ZNF446: variants seen among roughly 807,000 people sequenced by gnomAD.
ZNF446 encodes the protein zinc finger protein with KRAB and SCAN domains 20.
In ZNF446, 42 loss-of-function variants were observed where a neutral mutation model predicts 34.0. The observed-to-expected ratio is 1.23, with a 90% CI of 0.96 to 1.60. ZNF446 has a LOEUF of 1.60. Ranked by LOEUF, ZNF446 falls within the 40% of genes most tolerant of loss-of-function variation. The pLI is 0.00. For synonymous variants in ZNF446, 315 were observed against 251.0 expected (o/e 1.25, Z -2.41); for missense variants, 650 against 600.2 (o/e 1.08, Z -0.87).
chr19:58,480,808 G>A lies in ZNF446; in HGVS notation c.*82G>A, dbSNP rs1014590871. ...CTCTGGGGCACCAGCAGAAGACTCTGGAGGCAGCAGGGGATGCCAGAGTGA... is the reference window on the plus strand; with the variant it reads ...CTCTGGGGCACCAGCAGAAGACTCTAGAGGCAGCAGGGGATGCCAGAGTGA... On this transcript the variant is annotated 3_prime_UTR_variant, in exon 7 of 7. Coordinates refer to ENST00000594369, the MANE Select transcript of ZNF446 (RefSeq NM_017908.4). The surrounding 1 kb of genome is among the most constrained non-coding windows in gnomAD (Gnocchi z 7.2). 23 of 1,486,836 alleles carry A rather than the reference G, an allele frequency of 1.5e-5. No individual in the cohort carries two copies. The highest frequency in any genetic ancestry group is 1.2e-4 in the South Asian group (10 of 80,298). The allele number at this position is 1,486,836 out of a possible 1,614,324, so 92.1% of individuals were successfully genotyped here.
In ZNF446 at chr19:58,478,127, G is replaced by C; in HGVS notation, c.573G>C (p.Gly191=). ...SPPLAAQSPE[G]NHGHQEPAST... is the part of the protein sequence containing the mutation. ...CACTTGCAGCACAGTCCCCTGAGGG[G>C]AACCATGGACACCAAGAACCAGCCT... Residue 191 remains glycine (G), a synonymous_variant, in exon 4 of 7, where the codon GGG becomes GGC. Coordinates refer to ENST00000594369, the MANE Select transcript of ZNF446 (RefSeq NM_017908.4). 1 of 1,614,016 alleles carries C rather than the reference G, an allele frequency of 6.2e-7. No homozygotes were observed. The highest frequency in any genetic ancestry group is 8.5e-7 in the Non-Finnish European group (1 of 1,179,938).
chr19:58,483,813 A>G (rs1568620196), downstream of ZNF446: 1 of 152,184 alleles, frequency 6.6e-6, no homozygotes, highest in African/African-American at 2.4e-5. Flanking sequence ...AATCATTCCA[A>G]TTTTAGTGTA....
intron 2 of ZNF446, 31 bp downstream of exon 2, chr19:58,477,591 G>A: frequency 6.2e-7 from 1 of 1,613,078 alleles, no homozygotes; most frequent in Non-Finnish European, 8.5e-7. Flanking sequence ...CTTCTTGGAG[G>A]GATAGACCCT....
rs200650373 is a variant in ZNF446, at chr19:58,477,829, G to A, written c.532+3G>A. 16 of 1,545,966 alleles carry A rather than the reference G, an allele frequency of 1.0e-5. 1 individual carries two copies. The East Asian group carries it at 3.6e-4, about 35-fold the overall frequency. ...CAATGTCGATGGACAGGAAGTGGGT[G>A]AGGTTGGGGTCCCACCAGAGATGAG... On this transcript the variant is annotated splice_donor_region_variant and intron_variant, in intron 3 of 6. Coordinates refer to ENST00000594369, the MANE Select transcript of ZNF446 (RefSeq NM_017908.4).
chr19:58,488,944 A>C, the ZNF446 span, among the ~76,000 whole-genome samples: 144 of 152,340 alleles, frequency 9.5e-4, 2 homozygotes, highest in African/African-American at 3.2e-3. Context: ...AGCTACTGAA[A>C]CTGCCTTTGC....
At position 58,480,799 on chromosome 19, in the gene ZNF446, G is replaced by A; in HGVS notation, c.*73G>A. ...GGATACAGCCTCTGGGGCACCAGCA[G>A]AAGACTCTGGAGGCAGCAGGGGATG... On this transcript the variant is annotated 3_prime_UTR_variant, in exon 7 of 7. Coordinates refer to ENST00000594369, the MANE Select transcript of ZNF446 (RefSeq NM_017908.4). The surrounding 1 kb of genome is among the most constrained non-coding windows in gnomAD (Gnocchi z 7.2). 1 of 1,521,040 alleles carries A rather than the reference G, an allele frequency of 6.6e-7. No homozygotes were observed. Among genetic ancestry groups the A allele is most frequent in the Non-Finnish European group, 8.9e-7 (1 of 1,129,640 alleles). 94.2% of individuals were successfully genotyped at this position (1,521,040 alleles called of 1,614,324 possible).
chr19:58,478,496 T>C (rs1170620900), intron 4 of ZNF446, among the ~76,000 whole-genome samples: 2 of 151,932 alleles, frequency 1.3e-5, no homozygotes, highest in African/African-American at 4.8e-5. Context: ...AAACCCTGTA[T>C]CTACTAAAGA....
chr19:58,478,315 G>C, intron 4 of ZNF446, 134 bp downstream of exon 4: 1 of 754,422 alleles, frequency 1.3e-6, no homozygotes, highest in Non-Finnish European at 2.1e-6. Flanking sequence ...GTCTGTAAAA[G>C]CTGTACCCCT....
chr19:58,477,457 C>G lies in ZNF446; in HGVS notation c.239C>G (p.Pro80Arg), dbSNP rs1162606416. 1 of 1,613,474 alleles carries G rather than the reference C, an allele frequency of 6.2e-7. No individual in the cohort carries two copies. Among genetic ancestry groups the G allele is most frequent in the African/African-American group, 1.3e-5 (1 of 74,928 alleles). ...VLEQFLGTLPPEIQAWVRGQR... is the reference protein window; with the variant it reads ...VLEQFLGTLPREIQAWVRGQR... ...GAGCAGTTCCTGGGCACACTGCCTC[C>G]CGAGATCCAGGCCTGGGTGCGCGGT... The change falls in exon 2 of 7, where the codon CCC becomes CGC. Residue 80 changes from proline to arginine, a missense_variant. Pro to Arg is a moderately radical substitution (Grantham distance 103). Coordinates refer to ENST00000594369, the MANE Select transcript of ZNF446 (RefSeq NM_017908.4).
chr19:58,484,660 T>C (rs1048303061), downstream of ZNF446, among the ~76,000 whole-genome samples: 2 of 151,800 alleles, frequency 1.3e-5, no homozygotes, highest in Non-Finnish European at 2.9e-5. Context: ...AGCAAGACCA[T>C]GTCTCTACTT....
intron 4 of ZNF446, chr19:58,479,434 G>C (rs542145147): frequency 1.7e-6 from 1 of 586,252 alleles, no homozygotes; most frequent in Non-Finnish European, 3.0e-6. Flanking sequence ...TGTAGTAGAG[G>C]GGGATGAGTG....
chr19:58,478,850 G>A (rs142170240), intron 4 of ZNF446, among the ~76,000 whole-genome samples: 1 of 152,108 alleles, frequency 6.6e-6, no homozygotes, highest in African/African-American at 2.4e-5. Flanking sequence ...GGGAGAAGAT[G>A]ACCAGCTGTG....
At chr19:58,484,967 A>G (rs1177086493), downstream of ZNF446, among the ~76,000 whole-genome samples, 1 of 152,070 alleles carries the variant, frequency 6.6e-6, no homozygotes, top group African/African-American at 2.4e-5. Flanking sequence ...CTGAGGCAGG[A>G]GGATCACCTG....
chr19:58,486,337 G>A, the ZNF446 span, among the ~76,000 whole-genome samples: 8 of 150,994 alleles, frequency 5.3e-5, no homozygotes, highest in South Asian at 8.4e-4. Flanking sequence ...GATCCACCTC[G>A]GCCTCCCAAA....
rs780745517 is a variant in ZNF446, at chr19:58,480,758, G to A, written c.*32G>A. The A allele has an allele frequency of 9.5e-6, 15 of 1,577,574 alleles. No individual in the cohort carries two copies. The highest frequency in any genetic ancestry group is 6.8e-5 in the Admixed American group (4 of 59,062). On this transcript the variant is annotated 3_prime_UTR_variant, in exon 7 of 7. Transcript: ENST00000594369. This position sits in a 1 kb window ranked among gnomAD's most constrained non-coding sequence, Gnocchi z 7.2. ...AGACAGCACAGTCCCTCGGGGCCTC[G>A]GTGTTCTCGGGGCCTGGATACAGCC...
In ZNF446 at chr19:58,477,313, TCTG is replaced by T. The variant is rs1256502168; in HGVS notation, c.98_100del (p.Cys33del). 6.2e-7 allele frequency: 1 copy of T among 1,613,292 alleles called. No individual in the cohort carries two copies. The highest frequency in any genetic ancestry group is 8.5e-7 in the Non-Finnish European group (1 of 1,179,954). On this transcript the variant is annotated inframe_deletion, in exon 2 of 7. Transcript: ENST00000594369. Reference sequence around the variant, plus strand: ...ACTGCCCGCCTCCGCTTCCGAGGGTTCTGCTACCAGGAGGTGGCAGGTCCCCGA... The same window carrying T: ...ACTGCCCGCCTCCGCTTCCGAGGGTTCTACCAGGAGGTGGCAGGTCCCCGA...
intron 1 of ZNF446, 96 bp from the exon 2 acceptor site, chr19:58,477,083 C>G: frequency 1.3e-6 from 1 of 746,766 alleles, no homozygotes; most frequent in East Asian, 2.5e-5. Flanking sequence ...TCAGAGTACA[C>G]TTGGTCCTGG....
At chr19:58,476,726 C>T (rs1751031763) in intron 1 of ZNF446, among the ~76,000 whole-genome samples, 3 of 152,162 alleles carry the variant, frequency 2.0e-5, no homozygotes, top group Non-Finnish European at 4.4e-5. Context: ...CCCACCCAGT[C>T]AACCTCCCCG....
intron 4 of ZNF446, among the ~76,000 whole-genome samples, chr19:58,479,052 A>G (rs1454612677): frequency 6.6e-6 from 1 of 152,130 alleles, no homozygotes; most frequent in Non-Finnish European, 1.5e-5. Context: ...GGCTCCTCTA[A>G]CAACTCCACT....
Sources: allele counts gnomAD v4.1 joint callset (sites outside exome capture counted in the v4.1 genomes callset), GRCh38; gene constraint gnomAD v4.1.1; non-coding constraint Gnocchi (gnomAD v3.1); transcripts MANE v1.5; gene names NCBI Gene and HGNC (gene_info 2026-07-23, HGNC 2026-07-21).